Variants in WDFY3 observed in about 807,000 individuals in gnomAD.
WDFY3 encodes the protein WD repeat and FYVE domain-containing protein 3.
A neutral mutation model predicts 409.6 loss-of-function variants in WDFY3; 66 were observed. The observed-to-expected ratio is 0.16, with a 90% CI of 0.13 to 0.20. The LOEUF (loss-of-function observed/expected upper bound fraction) is 0.20. Ranked by LOEUF, WDFY3 falls within the 10% of genes least tolerant of loss-of-function variation. The probability of loss-of-function intolerance (pLI) is 1.00; values close to 1 mark genes in which losing one functional copy is unlikely to be tolerated. For synonymous variants in WDFY3, 1,521 were observed against 1,537.1 expected (o/e 0.99, Z 0.25); for missense variants, 3,031 against 4,298.1 (o/e 0.71, Z 8.24).
chr4:84,775,020 CT>C (rs755824633), intron 28 of WDFY3, 39 bp from the exon 29 acceptor site: 1 of 1,613,460 alleles, frequency 6.2e-7, no homozygotes, highest in Admixed American at 1.7e-5. Context: ...GTACTATCAC[CT>C]TTTCTATAGC....
intron 9 of WDFY3, among the ~76,000 whole-genome samples, chr4:84,828,538 T>A (rs1755196175): frequency 6.6e-6 from 1 of 152,200 alleles, no homozygotes; most frequent in African/African-American, 2.4e-5. Context: ...GACTTCATCA[T>A]GTTTGTGCCC....
chr4:84,934,543 A>T (rs1771171329), intron 1 of WDFY3, among the ~76,000 whole-genome samples: 1 of 152,164 alleles, frequency 6.6e-6, no homozygotes, highest in South Asian at 2.1e-4. Flanking sequence ...AAACAAGATA[A>T]TTCTAGTGAA....
Position 84,751,494 on chromosome 4 carries a change from GATCA to G in WDFY3, c.5958_5961del (p.Asp1987PhefsTer26). 6.2e-7 allele frequency: 1 copy of G among 1,614,052 alleles called. No individual in the cohort carries two copies. Among genetic ancestry groups the G allele is most frequent in the Non-Finnish European group, 8.5e-7 (1 of 1,179,944 alleles). ...TTCTTTTTCTTTACCTCCAACAAAA[GATCA>G]ATTAGTGGAGTTTGCTTGCTGGCAG... On this transcript the variant is annotated frameshift_variant, in exon 36 of 68. Coordinates refer to ENST00000295888, the MANE Select transcript of WDFY3 (RefSeq NM_014991.6). LOFTEE classifies it high-confidence loss of function.
At chr4:84,757,203 C>T in intron 32 of WDFY3, 42 bp from the exon 33 acceptor site, 1 of 1,558,496 alleles carries the variant, frequency 6.4e-7, no homozygotes, top group Non-Finnish European at 8.8e-7. Context: ...AAATCAGCAA[C>T]TGATAAACAT....
intron 3 of WDFY3, among the ~76,000 whole-genome samples, chr4:84,883,488 C>T (rs1346613671): frequency 1.3e-5 from 2 of 152,110 alleles, no homozygotes; most frequent in East Asian, 1.9e-4. Context: ...TAAAATACTA[C>T]CTTGAATAAA....
intron 51 of WDFY3, among the ~76,000 whole-genome samples, chr4:84,711,726 C>T (rs1218272939): frequency 6.6e-6 from 1 of 151,798 alleles, no homozygotes; most frequent in Non-Finnish European, 1.5e-5. Flanking sequence ...TGGCGCGCAC[C>T]TGTAGTCCCA....
At chr4:84,960,551 A>C (rs952471258) in intron 1 of WDFY3, among the ~76,000 whole-genome samples, 5 of 152,226 alleles carry the variant, frequency 3.3e-5, no homozygotes, top group Admixed American at 2.6e-4. Context: ...TGAGATGTTT[A>C]AACAAACATC....
In WDFY3 at chr4:84,705,565, C is replaced by G; in HGVS notation, c.8218-54G>C. Reference sequence around the variant, plus strand: ...AGTTACTATACACTATCTAGCCTCACTAACGTAGATACAGTGGCTGTTGTG... The same window carrying G: ...AGTTACTATACACTATCTAGCCTCAGTAACGTAGATACAGTGGCTGTTGTG... On this transcript the variant is annotated intron_variant, in intron 53 of 67. Coordinates refer to ENST00000295888, the MANE Select transcript of WDFY3 (RefSeq NM_014991.6). 6 of 1,376,410 alleles carry G rather than the reference C, an allele frequency of 4.4e-6. No individual in the cohort carries two copies. In the South Asian group the frequency reaches 5.9e-5, roughly 14 times the overall value. 85.3% of individuals were successfully genotyped at this position (1,376,410 alleles called of 1,614,324 possible).
At position 84,670,253 on chromosome 4, in the gene WDFY3, A is replaced by G. The variant is rs1441303934; in HGVS notation, c.*2615T>C. 3 of 152,680 alleles carry G rather than the reference A, an allele frequency of 2.0e-5. No individual in the cohort carries two copies. Among genetic ancestry groups the G allele is most frequent in the African/African-American group, 7.2e-5 (3 of 41,464 alleles). 9.5% of individuals were successfully genotyped at this position (152,680 alleles called of 1,614,324 possible). A position where few individuals can be genotyped will look rare whatever the true frequency, so the allele number is the denominator to read the frequency against. On this transcript the variant is annotated 3_prime_UTR_variant, in exon 68 of 68. Transcript: ENST00000295888. The stretch of plus-strand genomic sequence containing the variant: ...AATGAACAAACTACAAAGATCAGGC[A>G]GGAGCCCTATGAGGTACTCTCAGAA...
At chr4:84,921,646 ATTTTTT>A (rs747576197) in intron 2 of WDFY3, among the ~76,000 whole-genome samples, 2 of 78,666 alleles carry the variant, frequency 2.5e-5, no homozygotes, top group Admixed American at 1.6e-4. Flanking sequence ...TATTGCTTTC[ATTTTTT>A]TTTTTTTTTT....
intron 11 of WDFY3, 32 bp from the exon 12 acceptor site, chr4:84,820,218 A>C (rs1378349997): frequency 6.5e-7 from 1 of 1,528,410 alleles, no homozygotes; most frequent in East Asian, 2.3e-5. Context: ...CAAATTACAA[A>C]AGTGATAAGC....
rs762166478 is a variant in WDFY3 at position 84,724,422 on chromosome 4, T to C, written c.7441+4A>G. 30 of 1,596,010 alleles carry C rather than the reference T, an allele frequency of 1.9e-5. No individual in the cohort carries two copies. The Middle Eastern group carries it at 6.7e-4, about 36-fold the overall frequency. On this transcript the variant is annotated splice_donor_region_variant and intron_variant, in intron 46 of 67. Transcript: ENST00000295888. ...TTTAATCAAAATCAAAAAGGCAGGCTGACCTTTGACTTTAGCAATAGTGTC... is the reference window on the plus strand; with the variant it reads ...TTTAATCAAAATCAAAAAGGCAGGCCGACCTTTGACTTTAGCAATAGTGTC...
At chr4:84,804,799 G>A (rs1472963110) in intron 15 of WDFY3, among the ~76,000 whole-genome samples, 5 of 151,988 alleles carry the variant, frequency 3.3e-5, no homozygotes, top group Non-Finnish European at 7.4e-5. Context: ...ACACACATAC[G>A]CATAGATTCT....
chr4:84,960,737 C>T (rs1017897574), intron 1 of WDFY3, among the ~76,000 whole-genome samples: 15 of 152,130 alleles, frequency 9.9e-5, no homozygotes, highest in African/African-American at 3.6e-4. Flanking sequence ...CTTGGCCTCC[C>T]AAAGTGCTGG....
chr4:84,812,633 T>C (rs185023805), intron 13 of WDFY3, among the ~76,000 whole-genome samples: 292 of 152,266 alleles, frequency 1.9e-3, no homozygotes, highest in Non-Finnish European at 3.5e-3. Context: ...AGTATTATTT[T>C]ATAGATGAGG....
intron 35 of WDFY3, among the ~76,000 whole-genome samples, chr4:84,752,558 G>A (rs1437014777): frequency 3.3e-5 from 5 of 150,738 alleles, no homozygotes; most frequent in Admixed American, 6.6e-5. Context: ...TGCTGACAAG[G>A]AAAAGATATT....
chr4:84,828,722 T>C (rs1181521740), intron 9 of WDFY3, among the ~76,000 whole-genome samples: 1 of 152,090 alleles, frequency 6.6e-6, no homozygotes, highest in African/African-American at 2.4e-5. Context: ...CACAGCGAGA[T>C]CCTGTCTCTA....
At chr4:84,938,515 G>A (rs980721424) in intron 1 of WDFY3, among the ~76,000 whole-genome samples, 1 of 152,094 alleles carries the variant, frequency 6.6e-6, no homozygotes, top group Admixed American at 6.6e-5. Context: ...TTTAACAATG[G>A]TTGGCATGCA....
chr4:84,823,864 G>C (rs1355707520), intron 10 of WDFY3, among the ~76,000 whole-genome samples: 3 of 152,184 alleles, frequency 2.0e-5, no homozygotes, highest in Non-Finnish European at 4.4e-5. Context: ...TACTCTGGCA[G>C]TTTCTTGTAA....
Sources: gnomAD v4.1 joint callset for allele counts (sites outside exome capture counted in the v4.1 genomes callset) on GRCh38, gnomAD v4.1.1 for gene constraint, MANE v1.5 for transcripts, NCBI Gene and HGNC (gene_info 2026-07-23, HGNC 2026-07-21) for gene names.